PHRF1: variants seen among roughly 807,000 people sequenced by gnomAD.
The protein encoded by PHRF1 is PHD and ring finger domains 1, also known as PHD and RING finger domain-containing protein 1.
PHRF1 carries 53 observed loss-of-function variants against 128.9 expected under a neutral mutation model. The observed-to-expected ratio is 0.41, with a 90% CI of 0.33 to 0.52. The LOEUF (loss-of-function observed/expected upper bound fraction) is 0.52, where lower values mean the gene tolerates loss of function less well. PHRF1 is among the 20% of genes least tolerant of loss of function. The probability of loss-of-function intolerance (pLI) is 0.21; values close to 1 mark genes in which losing one functional copy is unlikely to be tolerated. For missense variants in PHRF1, 2,503 were observed against 2,284.5 expected (o/e 1.10, Z -1.95); for synonymous variants, 1,178 against 980.6 (o/e 1.20, Z -3.76).
At chr11:600,493 A>AATAT (rs35825045) in intron 9 of PHRF1, among the ~76,000 whole-genome samples, 1,679 of 129,290 alleles carry the variant, frequency 0.013, 23 homozygotes, top group East Asian at 0.057. Context: ...TGTCTCCAAA[A>AATAT]ATATATATAT....
At chr11:584,362 T>C (rs527568164) in intron 3 of PHRF1, among the ~76,000 whole-genome samples, 1 of 152,090 alleles carries the variant, frequency 6.6e-6, no homozygotes, top group South Asian at 2.1e-4. Flanking sequence ...GGGGCTGGAG[T>C]GAAGGTGGCG....
chr11:601,881 C>T (rs575696386), intron 10 of PHRF1, among the ~76,000 whole-genome samples, 180 bp downstream of exon 10: 178 of 152,362 alleles, frequency 1.2e-3, no homozygotes, highest in African/African-American at 4.1e-3. Flanking sequence ...ATGAACATTT[C>T]TGTAGCACAG....
At chr11:579,397 G>GA (rs1854082938) in intron 1 of PHRF1, among the ~76,000 whole-genome samples, 1 of 152,232 alleles carries the variant, frequency 6.6e-6, no homozygotes, top group Non-Finnish European at 1.5e-5. Flanking sequence ...CACAAAGTAG[G>GA]AGCAGGGTAG....
intron 11 of PHRF1, 23 bp downstream of exon 11, chr11:605,323 T>C (rs1169719887): frequency 6.2e-7 from 1 of 1,606,848 alleles, no homozygotes; most frequent in Admixed American, 1.7e-5. Flanking sequence ...GTGATGGTCC[T>C]GCCTGGGCAC....
chr11:597,363 T>C lies in PHRF1; in HGVS notation c.719-32T>C, dbSNP rs1259867949. 1 of 1,597,828 alleles carries C rather than the reference T, an allele frequency of 6.3e-7. No homozygotes were observed. The highest frequency in any genetic ancestry group is 8.5e-7 in the Non-Finnish European group (1 of 1,170,796). ...TTGGGGGAGGCGTGTGGCCTGTGAG[T>C]GTGGCACATCAGCCCTGGTGGTTCT... On this transcript the variant is annotated intron_variant, in intron 7 of 17. Coordinates refer to ENST00000264555, the MANE Select transcript of PHRF1 (RefSeq NM_001286581.2). This position sits in a 1 kb window ranked among gnomAD's most constrained non-coding sequence, Gnocchi z 6.5.
rs1040812229 is a variant in PHRF1 at position 605,187 on chromosome 11, C to T, written c.1221C>T (p.Cys407=). The change falls in exon 11 of 18, where the codon TGC becomes TGT. Residue 407 remains cysteine (C), a synonymous_variant. Coordinates refer to ENST00000264555, the MANE Select transcript of PHRF1 (RefSeq NM_001286581.2). ...TGCGCAGGCCTGTTCACAGCAGCTG[C>T]ATCCCGTCAGTGTTGAAGCCAGTGG... The part of the protein sequence containing the change: ...LGLRRPVHSS[C]IPSVLKPVEP... 1.2e-6 allele frequency: 2 copies of T among 1,613,484 alleles called. No individual in the cohort carries two copies. The highest frequency in any genetic ancestry group is 1.7e-6 in the Non-Finnish European group (2 of 1,179,872).
chr11:606,186 C>T (rs1250685206), intron 12 of PHRF1, among the ~76,000 whole-genome samples: 1 of 152,258 alleles, frequency 6.6e-6, no homozygotes, highest in Non-Finnish European at 1.5e-5. Context: ...GGCAAAGGCA[C>T]CAGAGGTGAC....
intron 3 of PHRF1, among the ~76,000 whole-genome samples, chr11:586,916 C>G (rs1281239898): frequency 1.3e-5 from 2 of 152,186 alleles, no homozygotes; most frequent in South Asian, 4.1e-4. Flanking sequence ...TGAAATGAAC[C>G]TGATGGTCTC....
At chr11:598,650 G>T in intron 9 of PHRF1, 148 bp downstream of exon 9, 2 of 1,293,136 alleles carry the variant, frequency 1.5e-6, no homozygotes, top group Non-Finnish European at 1.0e-6. Context: ...CACAGAAGCC[G>T]CGCCGGGCCC....
intron 5 of PHRF1, among the ~76,000 whole-genome samples, chr11:592,212 G>A (rs1013734762): frequency 3.4e-5 from 5 of 148,340 alleles, no homozygotes; most frequent in African/African-American, 7.4e-5. Context: ...AACGTGCCCA[G>A]CCTTTTTTTT....
Position 601,643 on chromosome 11 carries a change from C to T in PHRF1, c.1094C>T (p.Ala365Val), listed in dbSNP as rs756040853. The T allele has an allele frequency of 1.7e-5, 27 of 1,613,522 alleles. No homozygotes were observed. Among genetic ancestry groups the T allele is most frequent in the Middle Eastern group, 1.6e-4 (1 of 6,082 alleles). ...SGPSAKSKSS[A>V]TRSKKRQHRV... ...CCATCCGCAAAAAGTAAGAGCTCAG[C>T]GACAAGATCTAAGAAACGCCAACAT... Residue 365 changes from alanine to valine, a missense_variant, in exon 10 of 18, where the codon GCG becomes GTG. By Grantham distance (64) the Ala-to-Val change is moderately conservative (BLOSUM62 0). Transcript: ENST00000264555.
At position 607,815 on chromosome 11, in the gene PHRF1, C is replaced by T; in HGVS notation, c.2359C>T (p.His787Tyr). 6.2e-7 allele frequency: 1 copy of T among 1,612,808 alleles called. No homozygotes were observed. Among genetic ancestry groups the T allele is most frequent in the Non-Finnish European group, 8.5e-7 (1 of 1,179,890 alleles). ...GATCAATATTCCTGGAAACATGGCA[C>T]ATTCCAGCCAGCTCTCCAGCCCTGG... ...FRINIPGNMA[H>Y]SSQLSSPGFC... is the part of the protein sequence containing the mutation. Residue 787 changes from histidine to tyrosine, a missense_variant, in exon 14 of 18, where the codon CAT becomes TAT. His to Tyr is a moderately conservative substitution (Grantham distance 83). Coordinates refer to ENST00000264555, the MANE Select transcript of PHRF1 (RefSeq NM_001286581.2).
rs373959114 is a variant in PHRF1 at position 611,070 on chromosome 11, G to A, written c.4794G>A (p.Lys1598=). The A allele has an allele frequency of 7.1e-4, 1,148 of 1,613,004 alleles. 1 individual carries two copies. The highest frequency in any genetic ancestry group is 9.2e-4 in the Non-Finnish European group (1,084 of 1,179,700). ...TKEEYKDILR[K]AVQKICHSKS... The stretch of plus-strand genomic sequence containing the variant: ...AGGAGTACAAGGACATCCTGCGCAA[G>A]GCCGTGCAGAAGGTGGGCTGTGTGC... The change falls in exon 17 of 18, where the codon AAG becomes AAA. Residue 1598 remains lysine, a synonymous_variant. Transcript: ENST00000264555.
In PHRF1 at chr11:610,615, G is replaced by T. The variant is rs745489243; in HGVS notation, c.4531G>T (p.Gly1511Cys). Residue 1511 changes from glycine (G) to cysteine (C), a missense_variant, in exon 16 of 18, where the codon GGC becomes TGC. By Grantham distance (159) the Gly-to-Cys change is radical (BLOSUM62 -3). Coordinates refer to ENST00000264555, the MANE Select transcript of PHRF1 (RefSeq NM_001286581.2). ...CCTTCAGGGGAGCCTGCCGCTAGTG[G>T]GCTGTGGGGCAGCACAGACCCTGGC... ...FILQGSLPLV[G>C]CGAAQTLAPV... The T allele has an allele frequency of 1.9e-5, 30 of 1,606,138 alleles. No individual in the cohort carries two copies. In the East Asian group the frequency reaches 6.7e-4, roughly 36 times the overall value.
chr11:608,022 C>T lies in PHRF1; in HGVS notation c.2566C>T (p.Pro856Ser). 3 of 1,611,192 alleles carry T rather than the reference C, an allele frequency of 1.9e-6. No individual in the cohort carries two copies. Among genetic ancestry groups the T allele is most frequent in the Non-Finnish European group, 2.5e-6 (3 of 1,179,862 alleles). The change falls in exon 14 of 18, where the codon CCC becomes TCC. Residue 856 changes from proline (P) to serine (S), a missense_variant. By Grantham distance (74) the Pro-to-Ser change is moderately conservative. Coordinates refer to ENST00000264555, the MANE Select transcript of PHRF1 (RefSeq NM_001286581.2). ...CGAGAGGTCTGGCCCCGGCCTCCTGCCCTCTGAGATCACACGAACCATCTC... is the reference window on the plus strand; with the variant it reads ...CGAGAGGTCTGGCCCCGGCCTCCTGTCCTCTGAGATCACACGAACCATCTC... ...SPERSGPGLL[P>S]SEITRTISIN...
chr11:610,047 C>G (rs1436477137), intron 14 of PHRF1, 149 bp from the exon 15 acceptor site: 1 of 1,088,074 alleles, frequency 9.2e-7, no homozygotes, highest in East Asian at 2.7e-5. Flanking sequence ...TGGCACACCT[C>G]GCAACCTCCC....
chr11:596,119 A>C (rs1855261192), intron 6 of PHRF1, among the ~76,000 whole-genome samples: 1 of 152,154 alleles, frequency 6.6e-6, no homozygotes, highest in African/African-American at 2.4e-5. Flanking sequence ...AGTTCAGTTG[A>C]ATTCAGGCTC....
chr11:610,250 A>T lies in PHRF1; in HGVS notation c.4319A>T (p.Asp1440Val). Residue 1440 changes from aspartate (D) to valine (V), a missense_variant, in exon 15 of 18, where the codon GAT becomes GTT. Transcript: ENST00000264555. ...CGAGAAGGAGCCTGGGACATGGAGG[A>T]TGTGGCCCCCACAGGGGTCAGGCAG... Reference protein sequence around the residue: ...KPREGAWDMEDVAPTGVRQVF... With the variant: ...KPREGAWDMEVVAPTGVRQVF... 3 of 1,554,218 alleles carry T rather than the reference A, an allele frequency of 1.9e-6. No homozygotes were observed. Among genetic ancestry groups the T allele is most frequent in the South Asian group, 1.2e-5 (1 of 84,246 alleles).
At chr11:610,081 G>A in intron 14 of PHRF1, 115 bp from the exon 15 acceptor site, 1 of 1,333,916 alleles carries the variant, frequency 7.5e-7, no homozygotes, top group Non-Finnish European at 1.0e-6. Context: ...GTGGATCTGA[G>A]GGCTGCTCTG....
Sources: allele counts gnomAD v4.1 joint callset (sites outside exome capture counted in the v4.1 genomes callset), GRCh38; gene constraint gnomAD v4.1.1; non-coding constraint Gnocchi (gnomAD v3.1); transcripts MANE v1.5; gene names NCBI Gene and HGNC (gene_info 2026-07-23, HGNC 2026-07-21).